The following SYN3 variants were observed in gnomAD, a reference collection of about 807,000 sequenced individuals.
The protein encoded by SYN3 is synapsin-3.
SYN3 carries 35 observed loss-of-function variants against 65.8 expected under a neutral mutation model. The observed-to-expected ratio is 0.53, with a 90% CI of 0.41 to 0.70. SYN3 has a LOEUF of 0.70. SYN3 is among the 30% of genes least tolerant of loss of function. SYN3 has a pLI of 0.00. For synonymous variants in SYN3, 270 were observed against 292.9 expected, an observed-to-expected ratio of 0.92 and a Z score of 0.80; for missense variants, 680 against 749.0, an observed-to-expected ratio of 0.91 and a Z score of 1.08.
At chr22:33,041,511 A>T (rs1238795818) in intron 1 of SYN3, among the ~76,000 whole-genome samples, 1 of 151,124 alleles carries the variant, frequency 6.6e-6, no homozygotes, top group Admixed American at 6.6e-5. Context: ...GTTAGCCAGG[A>T]TGAGTCTCGA....
intron 6 of SYN3, among the ~76,000 whole-genome samples, chr22:32,671,226 G>T (rs994095380): frequency 1.3e-5 from 2 of 151,804 alleles, no homozygotes; most frequent in Non-Finnish European, 2.9e-5. Context: ...TACAAAACCC[G>T]CCCATTTTCA....
intron 6 of SYN3, among the ~76,000 whole-genome samples, chr22:32,620,874 C>T (rs1242771077): frequency 6.6e-6 from 1 of 150,766 alleles, no homozygotes; most frequent in East Asian, 1.9e-4. Flanking sequence ...CACGCGCCAC[C>T]AAGTCCAGCT....
intron 1 of SYN3, among the ~76,000 whole-genome samples, chr22:33,014,144 G>A (rs890333753): frequency 2.6e-5 from 4 of 151,692 alleles, no homozygotes; most frequent in Admixed American, 1.3e-4. Context: ...TCGAGCTCCC[G>A]GCCTCAAGCA....
At chr22:32,687,694 T>C (rs1329725601) in intron 6 of SYN3, among the ~76,000 whole-genome samples, 1 of 152,142 alleles carries the variant, frequency 6.6e-6, no homozygotes, top group Non-Finnish European at 1.5e-5. Flanking sequence ...CTCTCCCCCT[T>C]ACTATAGTCT....
At chr22:32,739,715 T>C (rs371736693) in intron 6 of SYN3, among the ~76,000 whole-genome samples, 1 of 152,326 alleles carries the variant, frequency 6.6e-6, no homozygotes, top group South Asian at 2.1e-4. Flanking sequence ...CAGCAGGGGC[T>C]TTTTTACTGT....
At chr22:32,662,769 C>T (rs1175338131) in intron 6 of SYN3, among the ~76,000 whole-genome samples, 1 of 152,252 alleles carries the variant, frequency 6.6e-6, no homozygotes, top group African/African-American at 2.4e-5. Flanking sequence ...TTGAGCCACA[C>T]TGAATTCTTA....
chr22:32,863,400 G>A (rs1052276161), intron 6 of SYN3, among the ~76,000 whole-genome samples: 9 of 152,182 alleles, frequency 5.9e-5, no homozygotes, highest in African/African-American at 2.2e-4. Flanking sequence ...TGGTGGAGGT[G>A]GGGAGGGGCG....
intron 6 of SYN3, among the ~76,000 whole-genome samples, chr22:32,692,550 C>T (rs1227741117): frequency 6.6e-6 from 1 of 152,238 alleles, no homozygotes; most frequent in East Asian, 1.9e-4. Flanking sequence ...GCTCCAACCA[C>T]CCTGGAGGCC....
intron 6 of SYN3, among the ~76,000 whole-genome samples, chr22:32,687,513 A>G (rs1435310991): frequency 1.3e-5 from 2 of 151,900 alleles, no homozygotes; most frequent in African/African-American, 4.8e-5. Flanking sequence ...CTCTCTTTCC[A>G]TTGCTGCCCG....
chr22:32,558,329 T>A (rs750270132), intron 7 of SYN3, among the ~76,000 whole-genome samples: 25 of 152,174 alleles, frequency 1.6e-4, no homozygotes, highest in Non-Finnish European at 1.5e-4. Context: ...AGACAGTGTA[T>A]GTCCACTCAG....
chr22:33,031,925 T>C (rs962233928), intron 1 of SYN3, among the ~76,000 whole-genome samples: 16 of 152,102 alleles, frequency 1.1e-4, no homozygotes, highest in African/African-American at 1.4e-4. Flanking sequence ...AAAGAGATCA[T>C]TGGCCAGGCA....
At chr22:32,640,400 T>C (rs1486788069) in intron 6 of SYN3, among the ~76,000 whole-genome samples, 2 of 152,198 alleles carry the variant, frequency 1.3e-5, no homozygotes, top group Non-Finnish European at 2.9e-5. Context: ...ATTAATCTCA[T>C]TTAGATCAAA....
intron 4 of SYN3, among the ~76,000 whole-genome samples, chr22:32,925,259 T>A (rs1008917690): frequency 6.6e-6 from 1 of 152,128 alleles, no homozygotes; most frequent in Admixed American, 6.5e-5. Flanking sequence ...TAAATTTCCC[T>A]CTTCTTATAA....
intron 3 of SYN3, among the ~76,000 whole-genome samples, chr22:32,968,980 A>G (rs2051931719): frequency 6.6e-6 from 1 of 152,218 alleles, no homozygotes; most frequent in Non-Finnish European, 1.5e-5. Flanking sequence ...ATCCTTCAAG[A>G]AGTGAAAGGG....
At chr22:32,836,189 A>T (rs995194393) in intron 6 of SYN3, among the ~76,000 whole-genome samples, 2 of 152,202 alleles carry the variant, frequency 1.3e-5, no homozygotes, top group Non-Finnish European at 2.9e-5. Flanking sequence ...TAAGAGTAAG[A>T]TGTACTGTTT....
intron 4 of SYN3, among the ~76,000 whole-genome samples, chr22:32,913,778 G>C (rs908635072): frequency 1.3e-5 from 2 of 152,252 alleles, no homozygotes; most frequent in African/African-American, 2.4e-5. Context: ...CAGGACACAA[G>C]AGCTCTTTGT....
At chr22:32,844,727 T>G (rs1020357677) in intron 6 of SYN3, among the ~76,000 whole-genome samples, 2 of 151,478 alleles carry the variant, frequency 1.3e-5, no homozygotes, top group African/African-American at 4.9e-5. Context: ...TTTTTTTTGC[T>G]GAGACAGAGT....
chr22:33,016,258 G>A (rs2053465336), intron 1 of SYN3, among the ~76,000 whole-genome samples: 1 of 152,192 alleles, frequency 6.6e-6, no homozygotes. Flanking sequence ...ACAAAACAAA[G>A]CAGTTCCTGG....
In SYN3 at chr22:32,636,151, C is replaced by T. The variant is rs185069031; in HGVS notation, c.712-39415G>A. Among the ~76,000 whole-genome samples the T allele has an allele frequency of 3.9e-3, 590 of 152,210 alleles. 4 individuals carry two copies. Among genetic ancestry groups the T allele is most frequent in the South Asian group, 0.016 (79 of 4,824 alleles). Reference sequence around the variant, plus strand: ...GCGTGGTGGCTCATGCCTGTAATCCCAGCACTTTGGGAGGCCAAGGCAGGC... The same window carrying T: ...GCGTGGTGGCTCATGCCTGTAATCCTAGCACTTTGGGAGGCCAAGGCAGGC... On this transcript the variant is annotated intron_variant, in intron 6 of 13. Transcript: ENST00000358763.
Sources: allele counts gnomAD v4.1 joint callset (sites outside exome capture counted in the v4.1 genomes callset), GRCh38; gene constraint gnomAD v4.1.1; transcripts MANE v1.5; gene names NCBI Gene and HGNC (gene_info 2026-07-23, HGNC 2026-07-21).